The following SGCZ variants were observed in gnomAD, a reference collection of about 807,000 sequenced individuals.
SGCZ encodes zeta-sarcoglycan.
SGCZ carries 40 observed loss-of-function variants against 41.3 expected under a neutral mutation model. That is an observed-to-expected ratio of 0.97 (90% confidence interval 0.75 to 1.26). The LOEUF (loss-of-function observed/expected upper bound fraction) is 1.26. Among genes scored for constraint, SGCZ ranks in the 50% most tolerant of loss-of-function variants. The pLI is 0.00. For missense variants in SGCZ, 552 were observed against 369.8 expected (o/e 1.49, Z -4.04); for synonymous variants, 206 against 137.5 (o/e 1.50, Z -3.49).
intron 1 of SGCZ, among the ~76,000 whole-genome samples, chr8:14,932,195 AT>A (rs1799940685): frequency 1.3e-5 from 2 of 151,966 alleles, no homozygotes; most frequent in African/African-American, 4.8e-5. Context: ...CCTGCCCCTA[AT>A]AAAATTAAAC....
chr8:15,182,260 T>A (rs1231448973), intron 1 of SGCZ, among the ~76,000 whole-genome samples: 2 of 152,298 alleles, frequency 1.3e-5, no homozygotes, highest in East Asian at 3.9e-4. Flanking sequence ...TATCAAACTA[T>A]AATTCACTAA....
chr8:14,750,581 G>T lies in SGCZ; in HGVS notation c.40-195655C>A, dbSNP rs138221936. ...TTGTAGAATAATTTTAAACATGTAG[G>T]TTCCAAGAATGATATGGTGTTTTTT... On this transcript the variant is annotated intron_variant, in intron 1 of 7. Coordinates refer to ENST00000382080, the MANE Select transcript of SGCZ (RefSeq NM_139167.4). Among the ~76,000 whole-genome samples the T allele has an allele frequency of 2.9e-3, 444 of 152,118 alleles. 4 individuals carry two copies. The highest frequency in any genetic ancestry group is 9.7e-3 in the African/African-American group (401 of 41,512).
intron 1 of SGCZ, among the ~76,000 whole-genome samples, chr8:15,219,752 A>G (rs555425541): frequency 6.6e-6 from 1 of 152,262 alleles, no homozygotes; most frequent in East Asian, 1.9e-4. Flanking sequence ...ATTCCCAATC[A>G]CCTACTCACT....
intron 1 of SGCZ, among the ~76,000 whole-genome samples, chr8:15,029,058 T>C (rs890144693): frequency 6.6e-6 from 1 of 152,074 alleles, no homozygotes; most frequent in East Asian, 1.9e-4. Flanking sequence ...TTGAAGATGA[T>C]TGGGAGACTC....
chr8:14,993,895 G>A (rs1802113584), intron 1 of SGCZ, among the ~76,000 whole-genome samples: 1 of 152,156 alleles, frequency 6.6e-6, no homozygotes. Context: ...AGCGTCATAT[G>A]ACTTTGCTTA....
At chr8:14,823,297 A>G (rs746737634) in intron 1 of SGCZ, among the ~76,000 whole-genome samples, 13 of 152,136 alleles carry the variant, frequency 8.5e-5, no homozygotes, top group African/African-American at 1.9e-4. Flanking sequence ...ATGAGACGAC[A>G]TACAAAACAG....
At chr8:14,221,083 G>T (rs1806177206) in intron 4 of SGCZ, among the ~76,000 whole-genome samples, 1 of 152,064 alleles carries the variant, frequency 6.6e-6, no homozygotes, top group Non-Finnish European at 1.5e-5. Context: ...TAGGAGCCTT[G>T]ACGGAAAAAA....
intron 1 of SGCZ, among the ~76,000 whole-genome samples, chr8:15,096,087 A>T (rs1041943070): frequency 5.3e-5 from 8 of 151,542 alleles, no homozygotes; most frequent in South Asian, 2.1e-4. Context: ...TTATTTATTT[A>T]TTTTTTTTGA....
chr8:15,169,517 G>C (rs1414910990), intron 1 of SGCZ, among the ~76,000 whole-genome samples: 3 of 152,138 alleles, frequency 2.0e-5, no homozygotes, highest in African/African-American at 7.2e-5. Flanking sequence ...CTGTGAGCCT[G>C]AATTTTCATG....
At chr8:15,118,436 C>T (rs1807352159) in intron 1 of SGCZ, among the ~76,000 whole-genome samples, 2 of 152,112 alleles carry the variant, frequency 1.3e-5, no homozygotes, top group African/African-American at 4.8e-5. Flanking sequence ...ACACTAGGAT[C>T]CCCAGAACTG....
chr8:14,931,719 C>T (rs1246312775), intron 1 of SGCZ, among the ~76,000 whole-genome samples: 5 of 152,046 alleles, frequency 3.3e-5, no homozygotes, highest in Non-Finnish European at 7.4e-5. Flanking sequence ...GACATTCTTT[C>T]TTCTAACATT....
intron 1 of SGCZ, among the ~76,000 whole-genome samples, chr8:14,811,825 GA>G (rs1403193485): frequency 1.3e-5 from 2 of 151,898 alleles, no homozygotes; most frequent in Non-Finnish European, 2.9e-5. Context: ...AGATCAAATA[GA>G]ATCTTGGAAA....
intron 2 of SGCZ, among the ~76,000 whole-genome samples, chr8:14,509,997 G>A (rs1802422482): frequency 6.6e-6 from 1 of 152,068 alleles, no homozygotes; most frequent in Admixed American, 6.6e-5. Context: ...AACACATAGG[G>A]ATTACAATTT....
chr8:14,758,126 G>C (rs1211137190), intron 1 of SGCZ, among the ~76,000 whole-genome samples: 1 of 152,024 alleles, frequency 6.6e-6, no homozygotes, highest in African/African-American at 2.4e-5. Flanking sequence ...AGCTGATAAA[G>C]TACAATGATA....
chr8:14,698,052 T>G (rs1038688999), intron 1 of SGCZ, among the ~76,000 whole-genome samples: 1 of 152,036 alleles, frequency 6.6e-6, no homozygotes, highest in Non-Finnish European at 1.5e-5. Context: ...ATTTAACTTT[T>G]AAAATAAATA....
chr8:14,555,475 T>C (rs1006008115), intron 1 of SGCZ, among the ~76,000 whole-genome samples: 18 of 152,070 alleles, frequency 1.2e-4, no homozygotes, highest in African/African-American at 4.3e-4. Flanking sequence ...AAGACGTGTC[T>C]GTTTCCCCTT....
chr8:14,154,292 C>T (rs889229191), intron 5 of SGCZ, among the ~76,000 whole-genome samples: 1 of 152,050 alleles, frequency 6.6e-6, no homozygotes, highest in African/African-American at 2.4e-5. Context: ...TGGCATGAAC[C>T]CAGGAGGCAG....
chr8:14,436,635 T>G (rs1800101985), intron 2 of SGCZ, among the ~76,000 whole-genome samples: 1 of 152,232 alleles, frequency 6.6e-6, no homozygotes, highest in Admixed American at 6.5e-5. Context: ...CATTCTTCAC[T>G]GTTAGGATCC....
intron 2 of SGCZ, among the ~76,000 whole-genome samples, chr8:14,419,398 T>G (rs1029684512): frequency 6.6e-6 from 1 of 151,978 alleles, no homozygotes; most frequent in African/African-American, 2.4e-5. Flanking sequence ...TCTCTCAACC[T>G]ATGTATCAAT....
Sources: gnomAD v4.1 joint callset for allele counts (sites outside exome capture counted in the v4.1 genomes callset) on GRCh38, gnomAD v4.1.1 for gene constraint, MANE v1.5 for transcripts, NCBI Gene and HGNC (gene_info 2026-07-23, HGNC 2026-07-21) for gene names.